Variants in TAF1 observed in about 807,000 individuals in gnomAD.
TAF1 encodes transcription initiation factor TFIID subunit 1.
In TAF1, 2 loss-of-function variants were observed where a neutral mutation model predicts 138.5. The ratio of observed to expected loss-of-function variants is 0.01; its 90% CI spans 0.01 to 0.05. The LOEUF (loss-of-function observed/expected upper bound fraction) is 0.05, where lower values mean the gene tolerates loss of function less well. Ranked by LOEUF, TAF1 falls within the 10% of genes least tolerant of loss-of-function variation. The pLI is 1.00. For synonymous variants in TAF1, 437 were observed against 503.2 expected (o/e 0.87, Z 1.76); for missense variants, 709 against 1,478.0 (o/e 0.48, Z 8.53).
intron 13 of TAF1, among the ~76,000 whole-genome samples, chrX:71,490,659 A>G (rs1371713977): frequency 9.0e-6 from 1 of 111,716 alleles, no homozygotes; most frequent in Non-Finnish European, 1.9e-5. Flanking sequence ...TTAAAAACAG[A>G]CACATAGACC....
At chrX:71,376,842 A>C (rs983276499) in intron 4 of TAF1, 108 bp from the exon 5 acceptor site, 1 of 1,082,467 alleles carries the variant, frequency 9.2e-7, no homozygotes, top group African/African-American at 1.9e-5. Context: ...GCTTGGGCCT[A>C]TATCTCCTGG....
At chrX:71,454,352 C>A (rs1370160521) in intron 33 of TAF1, 115 bp downstream of exon 33, 9 of 615,077 alleles carry the variant, frequency 1.5e-5, no homozygotes, top group Non-Finnish European at 2.2e-5. Context: ...ACGTGTGGTC[C>A]CAGCTACTCG....
intron 32 of TAF1, among the ~76,000 whole-genome samples, chrX:71,452,148 C>T (rs1209317028): frequency 1.9e-5 from 2 of 107,702 alleles, no homozygotes; most frequent in Admixed American, 9.6e-5. Context: ...GGCGGCTGGC[C>T]GGGCGGGGGG....
chrX:71,426,292 G>C (rs2036586924), intron 32 of TAF1, among the ~76,000 whole-genome samples: 1 of 111,502 alleles, frequency 9.0e-6, no homozygotes, highest in Non-Finnish European at 1.9e-5. Context: ...CCATCCAGAA[G>C]AGAGTTTTCT....
At chrX:71,520,327 G>T (rs2039909493) in intron 13 of TAF1, among the ~76,000 whole-genome samples, 1 of 108,822 alleles carries the variant, frequency 9.2e-6, no homozygotes, top group South Asian at 4.0e-4. Flanking sequence ...GTAACTGAAG[G>T]CATTTTAAAG....
Position 71,464,243 on chromosome X carries a change from G to C in TAF1, c.*197G>C. Reference sequence around the variant, plus strand: ...TCTTCCTGGGGCAATGTCACCCTTTGATTTAAAACAAAGCAACCCCCTTTC... The same window carrying C: ...TCTTCCTGGGGCAATGTCACCCTTTCATTTAAAACAAAGCAACCCCCTTTC... On this transcript the variant is annotated 3_prime_UTR_variant, in exon 38 of 38. Coordinates refer to ENST00000423759, the MANE Select transcript of TAF1 (RefSeq NM_004606.5). 1 of 430,266 alleles carries C rather than the reference G, an allele frequency of 2.3e-6. No individual in the cohort carries two copies. Among genetic ancestry groups the C allele is most frequent in the South Asian group, 4.4e-5 (1 of 22,661 alleles). The allele number at this position is 430,266 out of a possible 1,213,427, so 35.5% of individuals were successfully genotyped here. A position where few individuals can be genotyped will look rare whatever the true frequency, so the allele number is the denominator to read the frequency against.
intron 19 of TAF1, 77 bp from the exon 20 acceptor site, chrX:71,392,798 G>A: frequency 1.7e-6 from 2 of 1,196,881 alleles, no homozygotes; most frequent in Admixed American, 4.5e-5. Flanking sequence ...ATGTAGTTAA[G>A]GTAGCAGAAT....
intron 13 of TAF1, among the ~76,000 whole-genome samples, chrX:71,481,044 C>T (rs762539533): frequency 8.0e-5 from 9 of 112,241 alleles, no homozygotes; most frequent in African/African-American, 2.3e-4. Context: ...TTTGGGAGGC[C>T]GAGGCGGGCG....
chrX:71,530,112 A>C, exon 15 of TAF1: 1 of 156,076 alleles, frequency 6.4e-6, no homozygotes, highest in Non-Finnish European at 1.4e-5. Flanking sequence ...CAAATAAGAA[A>C]TCATCTTTTC....
At chrX:71,487,449 G>A (rs1279924120) in intron 13 of TAF1, among the ~76,000 whole-genome samples, 1 of 104,367 alleles carries the variant, frequency 9.6e-6, no homozygotes, top group African/African-American at 3.5e-5. Context: ...TTGGCCTCCC[G>A]AGTAGCTGGG....
intron 28 of TAF1, chrX:71,416,510 C>CT: frequency 1.0e-5 from 2 of 197,281 alleles, no homozygotes; most frequent in Non-Finnish European, 1.9e-5. Flanking sequence ...TAGAAGTCTT[C>CT]TTTAGCACAG....
At chrX:71,452,312 T>C (rs1321339173) in intron 32 of TAF1, among the ~76,000 whole-genome samples, 8 of 92,887 alleles carry the variant, frequency 8.6e-5, no homozygotes, top group South Asian at 5.2e-4. Context: ...GACGGGGCGG[T>C]TGCCGGGCGG....
intron 10 of TAF1, 36 bp from the exon 11 acceptor site, chrX:71,382,725 A>G: frequency 8.3e-7 from 1 of 1,203,097 alleles, no homozygotes; most frequent in South Asian, 1.8e-5. Context: ...AGAGAAGGAT[A>G]GTCTGACCGA....
In TAF1 at chrX:71,378,447, G is replaced by T; in HGVS notation, c.1146G>T (p.Met382Ile). 8.3e-7 allele frequency: 1 copy of T among 1,211,472 alleles called. No homozygotes were observed. The highest frequency in any genetic ancestry group is 2.2e-5 in the Admixed American group (1 of 46,038). Residue 382 changes from methionine (M) to isoleucine (I), a missense_variant, in exon 7 of 38, where the codon ATG becomes ATT. This residue lies in a region of TAF1 where 201 missense variants were observed against 421.3 expected (regional missense o/e 0.48). Coordinates refer to ENST00000423759, the MANE Select transcript of TAF1 (RefSeq NM_004606.5). ...ATGAACCTGTGATAAAATCTAGAAT[G>T]ATAGAGGTGAGCAACACTGGTATGT... Reference protein sequence around the residue: ...TEHEPVIKSRMIEEFRKLEEN... With the variant: ...TEHEPVIKSRIIEEFRKLEEN...
intron 13 of TAF1, among the ~76,000 whole-genome samples, chrX:71,486,723 G>A (rs778889940): frequency 9.1e-5 from 10 of 110,490 alleles, no homozygotes; most frequent in Admixed American, 1.9e-4. Flanking sequence ...TTCTTGACTC[G>A]GTTTTGGTAG....
intron 24 of TAF1, among the ~76,000 whole-genome samples, chrX:71,399,792 C>T (rs978630134): frequency 6.5e-5 from 7 of 108,002 alleles, no homozygotes; most frequent in African/African-American, 1.3e-4. Context: ...AGTGCAGTGG[C>T]GCCATCTCAG....
intron 14 of TAF1, chrX:71,528,845 C>T (rs2040048898): frequency 3.9e-6 from 1 of 254,169 alleles, no homozygotes; most frequent in Admixed American, 5.1e-5. Context: ...AGCAGGTTGC[C>T]AGTGGGGCTG....
chrX:71,478,330 G>C (rs1019666887), intron 13 of TAF1, among the ~76,000 whole-genome samples: 3 of 110,735 alleles, frequency 2.7e-5, no homozygotes, highest in African/African-American at 9.9e-5. Context: ...CTCCAGCCTG[G>C]GCAACAAGAG....
chrX:71,389,665 A>G lies in TAF1; in HGVS notation c.2781A>G (p.Glu927=), dbSNP rs765090577. 4 of 1,189,437 alleles carry G rather than the reference A, an allele frequency of 3.4e-6. No homozygotes were observed. In the Admixed American group the frequency reaches 6.9e-5, roughly 20 times the overall value. ...EEDFQMKIDD[E]VRTAPWNTTR... is the part of the protein sequence containing the mutation. The stretch of plus-strand genomic sequence containing the variant: ...ATTTCCAGATGAAGATTGATGATGA[A>G]GTAAGGCTTTATACTAGTTTGTATT... Residue 927 remains glutamate, a splice_region_variant and synonymous_variant, in exon 18 of 38, where the codon GAA becomes GAG. Transcript: ENST00000423759.
Sources: gnomAD v4.1 joint callset for allele counts (sites outside exome capture counted in the v4.1 genomes callset) on GRCh38, gnomAD v4.1.1 for gene constraint, gnomAD v4.1.1 regional missense constraint, MANE v1.5 for transcripts, NCBI Gene and HGNC (gene_info 2026-07-23, HGNC 2026-07-21) for gene names.